CAPZB: variants seen among roughly 807,000 people sequenced by gnomAD.
CAPZB encodes the protein F-actin-capping protein subunit beta.
A neutral mutation model predicts 38.1 loss-of-function variants in CAPZB; 2 were observed. The observed-to-expected ratio is 0.05, with a 90% CI of 0.02 to 0.17. The LOEUF (loss-of-function observed/expected upper bound fraction) is 0.17. CAPZB is among the 10% of genes least tolerant of loss of function. The probability of loss-of-function intolerance (pLI) is 1.00; values close to 1 mark genes in which losing one functional copy is unlikely to be tolerated. For synonymous variants in CAPZB, 107 were observed against 127.4 expected, an observed-to-expected ratio of 0.84 and a Z score of 1.08; for missense variants, 161 against 334.2, an observed-to-expected ratio of 0.48 and a Z score of 4.04.
Position 19,391,523 on chromosome 1 carries a change from G to C in CAPZB, c.94-5897C>G, listed in dbSNP as rs978600877. ...CTGCCGACGTCCAGCAGAGGGCTCT[G>C]TGACAATTTGTTCCTTTTATTTTTC... On this transcript the variant is annotated intron_variant, in intron 2 of 8. Transcript: ENST00000264202. Among the ~76,000 whole-genome samples, 7 of 152,210 alleles carry C rather than the reference G, an allele frequency of 4.6e-5. No individual in the cohort carries two copies. The East Asian group carries it at 1.3e-3, about 29-fold the overall frequency.
At chr1:19,466,068 A>T (rs12755497) in intron 1 of CAPZB, among the ~76,000 whole-genome samples, 1 of 152,120 alleles carries the variant, frequency 6.6e-6, no homozygotes, top group African/African-American at 2.4e-5. Flanking sequence ...CCAGGAGCCC[A>T]GCTACCATCC....
At chr1:19,480,497 T>G (rs932210774) in intron 1 of CAPZB, among the ~76,000 whole-genome samples, 19 of 152,182 alleles carry the variant, frequency 1.2e-4, no homozygotes, top group African/African-American at 4.6e-4. Context: ...TCTCACTCAG[T>G]GTTTATGTAG....
Position 19,357,948 on chromosome 1 carries a change from T to C in CAPZB, c.330-385A>G, listed in dbSNP as rs1295392802. On this transcript the variant is annotated intron_variant, in intron 4 of 8. Transcript: ENST00000264202. The surrounding 1 kb of genome is among the most constrained non-coding windows in gnomAD (Gnocchi z 4.3). ...CACGGTTGTTCGATATTTCTGTCTT[T>C]TGGGATATTTTACAGGGCAGATGAG... Among the ~76,000 whole-genome samples, 1 of 152,096 alleles carries C rather than the reference T, an allele frequency of 6.6e-6. No homozygotes were observed. The highest frequency in any genetic ancestry group is 1.5e-5 in the Non-Finnish European group (1 of 68,014).
At chr1:19,437,725 T>A (rs1570267881) in intron 1 of CAPZB, among the ~76,000 whole-genome samples, 2 of 152,108 alleles carry the variant, frequency 1.3e-5, no homozygotes, top group East Asian at 3.9e-4. Context: ...GGAAACCGAA[T>A]AAGCTGTTTA....
chr1:19,347,198 A>G (rs907526196), intron 6 of CAPZB, among the ~76,000 whole-genome samples: 3 of 152,110 alleles, frequency 2.0e-5, no homozygotes, highest in Non-Finnish European at 4.4e-5. Flanking sequence ...CTAGCTCGAA[A>G]CTGATCCAGA....
chr1:19,464,752 A>C (rs1356886971), intron 1 of CAPZB, among the ~76,000 whole-genome samples: 3 of 152,240 alleles, frequency 2.0e-5, no homozygotes, highest in Non-Finnish European at 4.4e-5. Context: ...TGAATGAATC[A>C]AATAAATCAT....
intron 1 of CAPZB, among the ~76,000 whole-genome samples, chr1:19,437,231 G>A (rs1438986100): frequency 6.6e-6 from 1 of 152,182 alleles, no homozygotes; most frequent in African/African-American, 2.4e-5. Flanking sequence ...CGTAAGCTAG[G>A]AAGGCCTTCC....
intron 1 of CAPZB, among the ~76,000 whole-genome samples, chr1:19,473,930 C>T (rs1251542040): frequency 6.6e-6 from 1 of 152,064 alleles, no homozygotes; most frequent in Non-Finnish European, 1.5e-5. Flanking sequence ...TGATGGAATT[C>T]CTATGGACAA....
intron 1 of CAPZB, among the ~76,000 whole-genome samples, chr1:19,471,497 T>C (rs1300696344): frequency 6.6e-6 from 1 of 152,154 alleles, no homozygotes; most frequent in Admixed American, 6.5e-5. Flanking sequence ...ATGTCTATGT[T>C]CTGACAATCA....
chr1:19,460,816 C>T (rs986112810), intron 1 of CAPZB, among the ~76,000 whole-genome samples: 1 of 151,972 alleles, frequency 6.6e-6, no homozygotes, highest in Admixed American at 6.6e-5. Flanking sequence ...CAACAGGCAG[C>T]CAGGGACCCC....
chr1:19,370,242 C>A (rs1018477079), intron 4 of CAPZB, among the ~76,000 whole-genome samples: 3 of 152,244 alleles, frequency 2.0e-5, no homozygotes, highest in Admixed American at 1.3e-4. Flanking sequence ...CTGTCCTTGT[C>A]CTCTCCCATC....
At chr1:19,463,588 C>T (rs1367815220) in intron 1 of CAPZB, among the ~76,000 whole-genome samples, 3 of 152,204 alleles carry the variant, frequency 2.0e-5, no homozygotes, top group Non-Finnish European at 4.4e-5. Context: ...GCTGGAACTG[C>T]CCAGGGTGCC....
At chr1:19,362,663 GA>G (rs369603390) in intron 4 of CAPZB, among the ~76,000 whole-genome samples, 8 of 148,528 alleles carry the variant, frequency 5.4e-5, no homozygotes, top group Non-Finnish European at 9.0e-5. Flanking sequence ...AAAAAAGAAA[GA>G]AAAAAAAAAC....
chr1:19,355,051 C>T (rs570208029), intron 6 of CAPZB, among the ~76,000 whole-genome samples: 1 of 152,342 alleles, frequency 6.6e-6, no homozygotes, highest in East Asian at 1.9e-4. Flanking sequence ...CTTCTGGCCT[C>T]CAGCCCCTCT....
At chr1:19,416,850 G>A (rs1441635008) in intron 2 of CAPZB, among the ~76,000 whole-genome samples, 2 of 87,796 alleles carry the variant, frequency 2.3e-5, no homozygotes. Context: ...GACAGAGCAA[G>A]ACCCTGTCTC....
chr1:19,477,800 G>T (rs1329138597), intron 1 of CAPZB, among the ~76,000 whole-genome samples: 1 of 152,136 alleles, frequency 6.6e-6, no homozygotes, highest in African/African-American at 2.4e-5. Context: ...GCCCAGGTTG[G>T]CCTTGAACTC....
intron 2 of CAPZB, among the ~76,000 whole-genome samples, chr1:19,408,471 A>G (rs374451406): frequency 6.6e-6 from 1 of 151,662 alleles, no homozygotes; most frequent in African/African-American, 2.4e-5. Flanking sequence ...TTCTGGCTCT[A>G]GTGAGCCACC....
chr1:19,416,142 TTTTTTG>T (rs2094378197), intron 2 of CAPZB, among the ~76,000 whole-genome samples: 1 of 152,238 alleles, frequency 6.6e-6, no homozygotes, highest in African/African-American at 2.4e-5. Flanking sequence ...CGAGAAGGGT[TTTTTTG>T]CCCCGTGTCT....
chr1:19,415,115 A>C (rs1033498920), intron 2 of CAPZB, among the ~76,000 whole-genome samples: 3 of 152,210 alleles, frequency 2.0e-5, no homozygotes, highest in African/African-American at 4.8e-5. Context: ...CCATTCCCCC[A>C]CAGTTCCCTG....
Sources: gnomAD v4.1 joint callset for allele counts (sites outside exome capture counted in the v4.1 genomes callset) on GRCh38, gnomAD v4.1.1 for gene constraint, Gnocchi (gnomAD v3.1) non-coding constraint, MANE v1.5 for transcripts, NCBI Gene and HGNC (gene_info 2026-07-23, HGNC 2026-07-21) for gene names.